NEO1: variants seen among roughly 807,000 people sequenced by gnomAD.
The protein encoded by NEO1 is neogenin.
NEO1 carries 63 observed loss-of-function variants against 159.7 expected under a neutral mutation model. The ratio of observed to expected loss-of-function variants is 0.39; its 90% CI spans 0.32 to 0.49. The LOEUF (loss-of-function observed/expected upper bound fraction) is 0.49. Among genes scored for constraint, NEO1 ranks in the 20% least tolerant of loss-of-function variants. The pLI, the probability that NEO1 is intolerant of heterozygous loss-of-function variation, is 0.85. For missense variants in NEO1, 1,615 were observed against 1,831.0 expected (o/e 0.88, Z 2.15); for synonymous variants, 633 against 662.0 (o/e 0.96, Z 0.67).
At chr15:73,158,170 G>A (rs990245110) in intron 5 of NEO1, among the ~76,000 whole-genome samples, 2 of 145,786 alleles carry the variant, frequency 1.4e-5, no homozygotes, top group African/African-American at 2.5e-5. Flanking sequence ...AGCCGAGATC[G>A]TCCTGCTGCA....
chr15:73,060,053 C>T (rs967333950), intron 1 of NEO1, among the ~76,000 whole-genome samples: 1 of 151,316 alleles, frequency 6.6e-6, no homozygotes, highest in African/African-American at 2.4e-5. Context: ...AAAAAATCAC[C>T]AAAATATGTC....
intron 7 of NEO1, among the ~76,000 whole-genome samples, chr15:73,213,255 G>A (rs927417412): frequency 6.6e-6 from 1 of 151,992 alleles, no homozygotes; most frequent in African/African-American, 2.4e-5. Context: ...GTCATTTATT[G>A]GATTTCTCTG....
intron 5 of NEO1, among the ~76,000 whole-genome samples, chr15:73,169,301 A>G (rs1308040752): frequency 1.3e-5 from 2 of 152,182 alleles, no homozygotes; most frequent in Non-Finnish European, 2.9e-5. Context: ...TTGAAGGGAT[A>G]GGGAGCTGTC....
At position 73,066,609 on chromosome 15, in the gene NEO1, A is replaced by G. The variant is rs374478566; in HGVS notation, c.130+13804A>G. ...ATGCTGGAGGTACTAACAGTCTCCT[A>G]CCACATTACATAGGGATTGAGGTGA... On this transcript the variant is annotated intron_variant, in intron 1 of 28. Transcript: ENST00000261908. Among the ~76,000 whole-genome samples, 4 of 152,280 alleles carry G rather than the reference A, an allele frequency of 2.6e-5. No homozygotes were observed. The East Asian group carries it at 7.7e-4, about 29-fold the overall frequency.
intron 22 of NEO1, among the ~76,000 whole-genome samples, chr15:73,279,362 T>TG (rs2041582772): frequency 6.9e-6 from 1 of 145,386 alleles, no homozygotes; most frequent in African/African-American, 2.5e-5. Context: ...TTTTTTTTTT[T>TG]TTTTGAGATG....
chr15:73,149,160 C>G (rs553203343), intron 5 of NEO1, among the ~76,000 whole-genome samples: 3 of 151,928 alleles, frequency 2.0e-5, no homozygotes, highest in East Asian at 1.9e-4. Context: ...ACCAAAAATA[C>G]AAAAATTAGC....
At chr15:73,052,046 G>A (rs2067457302), upstream of NEO1, 1 of 151,984 alleles carries the variant, frequency 6.6e-6, no homozygotes, top group South Asian at 2.1e-4. Flanking sequence ...GGCGCGCGGA[G>A]CCGAGGGGCT....
intron 1 of NEO1, among the ~76,000 whole-genome samples, chr15:73,092,007 A>G (rs564815823): frequency 6.6e-6 from 1 of 152,284 alleles, no homozygotes; most frequent in South Asian, 2.1e-4. Flanking sequence ...TTACCGAATA[A>G]AAGTACATAA....
At chr15:73,135,819 G>A in intron 4 of NEO1, 72 bp from the exon 5 acceptor site, 1 of 1,307,930 alleles carries the variant, frequency 7.6e-7, no homozygotes, top group South Asian at 1.9e-5. Context: ...TCTATTTTAT[G>A]TGGAGAGTTT....
Position 73,238,400 on chromosome 15 carries a change from C to T in NEO1, c.1451+1894C>T, listed in dbSNP as rs558229189. Among the ~76,000 whole-genome samples the T allele has an allele frequency of 2.6e-4, 38 of 148,290 alleles. 1 individual carries two copies. The South Asian group carries it at 8.1e-3, about 31-fold the overall frequency. ...CTCCAGCACCTGGAACAGAGCCTGG[C>T]ATTTAGTAACACTCAGTAAATATTT... On this transcript the variant is annotated intron_variant, in intron 8 of 28. Transcript: ENST00000261908.
In NEO1 at chr15:73,147,410, A is replaced by G. The variant is rs78763827; in HGVS notation, c.1015+11383A>G. Among the ~76,000 whole-genome samples the G allele has an allele frequency of 2.0e-5, 3 of 152,320 alleles. No individual in the cohort carries two copies. The East Asian group carries it at 5.8e-4, about 29-fold the overall frequency. ...TGTTCCATGCCACCAGCCATCCATC[A>G]GATGGCACCATGTTTTGTGGTCTTT... is the stretch of plus-strand genomic sequence containing the variant. On this transcript the variant is annotated intron_variant, in intron 5 of 28. Transcript: ENST00000261908.
chr15:73,124,124 G>A (rs1423517042), intron 3 of NEO1, among the ~76,000 whole-genome samples: 1 of 152,148 alleles, frequency 6.6e-6, no homozygotes, highest in Non-Finnish European at 1.5e-5. Flanking sequence ...GTGCAGTGGT[G>A]CGATCTTGGT....
chr15:73,052,652 C>T lies in NEO1; in HGVS notation c.-24C>T. On this transcript the variant is annotated 5_prime_UTR_variant, in exon 1 of 29. Transcript: ENST00000261908. ...GGGCTCCGCGGCGCTGTCGCCGCCG[C>T]TGCCGCTCACTCTCGGGGAAGAGAT... 7.9e-7 allele frequency: 1 copy of T among 1,266,688 alleles called. No individual in the cohort carries two copies. The highest frequency in any genetic ancestry group is 1.0e-6 in the Non-Finnish European group (1 of 1,000,858). The allele number at this position is 1,266,688 out of a possible 1,614,324, so 78.5% of individuals were successfully genotyped here.
chr15:73,143,449 C>A, intron 5 of NEO1: 1 of 153,902 alleles, frequency 6.5e-6, no homozygotes. Context: ...AATTTCTTTC[C>A]ATCTTAAAGC....
intron 9 of NEO1, among the ~76,000 whole-genome samples, chr15:73,247,484 G>C (rs1596471606): frequency 6.6e-6 from 1 of 152,176 alleles, no homozygotes; most frequent in Non-Finnish European, 1.5e-5. Flanking sequence ...CAGCAGAAGT[G>C]TGACAAATCC....
chr15:73,090,045 T>C (rs367765888), intron 1 of NEO1, among the ~76,000 whole-genome samples: 47 of 152,270 alleles, frequency 3.1e-4, no homozygotes, highest in African/African-American at 1.0e-3. Context: ...ACCTGTTTGG[T>C]TTATGTTCAC....
intron 5 of NEO1, among the ~76,000 whole-genome samples, chr15:73,158,208 C>CTTTTTTTTTTTTTTTTTTT (rs1047852394): frequency 4.8e-5 from 4 of 82,556 alleles, no homozygotes; most frequent in Admixed American, 1.7e-4. Flanking sequence ...GAGTGAGACT[C>CTTTTTTTTTTTTTTTTTTT]TTTTTTTTTT....
chr15:73,147,517 C>G (rs540250761), intron 5 of NEO1, among the ~76,000 whole-genome samples: 3 of 152,106 alleles, frequency 2.0e-5, no homozygotes, highest in Non-Finnish European at 2.9e-5. Flanking sequence ...TTGCTGGGCT[C>G]CTGCCTATCT....
intron 27 of NEO1, among the ~76,000 whole-genome samples, chr15:73,298,971 A>G (rs562563326): frequency 6.6e-6 from 1 of 152,318 alleles, no homozygotes; most frequent in South Asian, 2.1e-4. Context: ...CCTGCAAACT[A>G]GAGAAGGGAT....
Sources: gnomAD v4.1 joint callset for allele counts (sites outside exome capture counted in the v4.1 genomes callset) on GRCh38, gnomAD v4.1.1 for gene constraint, MANE v1.5 for transcripts, NCBI Gene and HGNC (gene_info 2026-07-23, HGNC 2026-07-21) for gene names.